The following MCC variants were observed in gnomAD, a reference collection of about 807,000 sequenced individuals.
MCC encodes MCC regulator of Wnt signaling pathway, also known as colorectal mutant cancer protein.
A neutral mutation model predicts 116.2 loss-of-function variants in MCC; 90 were observed. That is an observed-to-expected ratio of 0.77 (90% CI 0.65 to 0.92). MCC has a LOEUF of 0.92. MCC is among the 40% of genes least tolerant of loss of function. MCC has a pLI of 0.00. For synonymous variants in MCC, 578 were observed against 510.5 expected (o/e 1.13, Z -1.78); for missense variants, 1,516 against 1,312.2 (o/e 1.16, Z -2.40).
chr5:113,312,704 C>A (rs1767164934), intron 3 of MCC, among the ~76,000 whole-genome samples: 1 of 152,168 alleles, frequency 6.6e-6, no homozygotes. Flanking sequence ...AAGATGGATA[C>A]AAGTTATTCT....
At chr5:113,382,270 CTTTT>C (rs112153904) in intron 2 of MCC, among the ~76,000 whole-genome samples, 7 of 136,204 alleles carry the variant, frequency 5.1e-5, no homozygotes, top group Non-Finnish European at 6.4e-5. Flanking sequence ...AATTATTGTC[CTTTT>C]TTTTTTTTTT....
Position 113,198,917 on chromosome 5 carries a change from T to C in MCC, c.628-47495A>G, listed in dbSNP as rs375398923. Among the ~76,000 whole-genome samples, 36 of 151,860 alleles carry C rather than the reference T, an allele frequency of 2.4e-4. 4 individuals are homozygous for C. Among genetic ancestry groups the C allele is most frequent in the Admixed American group, 7.2e-4 (11 of 15,258 alleles). ...GGATGTTATATAGAAATGAAATCAA[T>C]AGGCCAGGGGCAGTGGCTCAAGTCT... is the stretch of plus-strand genomic sequence containing the variant. On this transcript the variant is annotated intron_variant, in intron 3 of 18. Coordinates refer to ENST00000408903, the MANE Select transcript of MCC (RefSeq NM_001085377.2).
chr5:113,364,262 C>CAAAAAAAAAAAAAAAAAAAAA lies in MCC; in HGVS notation c.415+20705_415+20706insTTTTTTTTTTTTTTTTTTTTT, dbSNP rs1561538969. Among the ~76,000 whole-genome samples, 6 of 78,606 alleles carry CAAAAAAAAAAAAAAAAAAAAA rather than the reference C, an allele frequency of 7.6e-5. 1 individual carries two copies. The highest frequency in any genetic ancestry group is 2.9e-4 in the East Asian group (1 of 3,508). 51.6% of individuals were successfully genotyped at this position (78,606 alleles called of 152,430 possible). ...AGAAAAAAAAAAAAAAAAAAAAAAC[C>CAAAAAAAAAAAAAAAAAAAAA]AGAAAAAAAAAAAAAAGGAACTCTA... On this transcript the variant is annotated intron_variant, in intron 2 of 18. Coordinates refer to ENST00000408903, the MANE Select transcript of MCC (RefSeq NM_001085377.2).
chr5:113,040,296 G>A (rs1751612464), intron 17 of MCC, among the ~76,000 whole-genome samples: 2 of 151,984 alleles, frequency 1.3e-5, no homozygotes, highest in African/African-American at 4.8e-5. Context: ...GGTTGGGTTG[G>A]GGACAGTGTC....
intron 14 of MCC, among the ~76,000 whole-genome samples, chr5:113,062,044 G>A (rs112067783): frequency 2.0e-5 from 3 of 152,172 alleles, no homozygotes; most frequent in African/African-American, 4.8e-5. Context: ...TGAATGCCTC[G>A]TGTGTGGTTC....
At chr5:113,327,383 C>T (rs1767582107) in intron 3 of MCC, among the ~76,000 whole-genome samples, 1 of 150,836 alleles carries the variant, frequency 6.6e-6, no homozygotes, top group South Asian at 2.1e-4. Flanking sequence ...ACTGTCTCTA[C>T]TAAAAATAAA....
intron 3 of MCC, among the ~76,000 whole-genome samples, chr5:113,187,413 CT>C (rs1761945918): frequency 6.6e-6 from 1 of 152,126 alleles, no homozygotes; most frequent in African/African-American, 2.4e-5. Context: ...CCGGCCTCCT[CT>C]GTTTCCTTTT....
At chr5:113,292,149 T>C (rs1456873910) in intron 3 of MCC, among the ~76,000 whole-genome samples, 1 of 152,058 alleles carries the variant, frequency 6.6e-6, no homozygotes, top group Non-Finnish European at 1.5e-5. Context: ...AGAGAATCGC[T>C]TGAACCCGGG....
chr5:113,370,184 G>A (rs1291799970), intron 2 of MCC, among the ~76,000 whole-genome samples: 2 of 152,144 alleles, frequency 1.3e-5, no homozygotes, highest in African/African-American at 2.4e-5. Flanking sequence ...AATGGATGAC[G>A]TAGCAGAACC....
intron 11 of MCC, among the ~76,000 whole-genome samples, chr5:113,074,339 T>C (rs1354959850): frequency 6.6e-6 from 1 of 152,150 alleles, no homozygotes; most frequent in East Asian, 1.9e-4. Flanking sequence ...GAAGGAAAAC[T>C]AACAAACAGA....
intron 3 of MCC, among the ~76,000 whole-genome samples, chr5:113,169,558 C>G (rs1760963685): frequency 6.6e-6 from 1 of 152,154 alleles, no homozygotes; most frequent in Non-Finnish European, 1.5e-5. Context: ...AAAATGTTCT[C>G]TCATTAAGAC....
At chr5:113,100,433 G>A (rs1411004746) in intron 8 of MCC, among the ~76,000 whole-genome samples, 3 of 149,866 alleles carry the variant, frequency 2.0e-5, no homozygotes, top group Non-Finnish European at 4.4e-5. Context: ...CAATGGTGAA[G>A]GATGATGAGA....
Position 113,028,977 on chromosome 5 carries a change from G to C in MCC, c.2836C>G (p.Gln946Glu), listed in dbSNP as rs749208418. 5.0e-6 allele frequency: 8 copies of C among 1,614,056 alleles called. No homozygotes were observed. Among genetic ancestry groups the C allele is most frequent in the Non-Finnish European group, 6.8e-6 (8 of 1,179,968 alleles). The change falls in exon 18 of 19, where the codon CAG becomes GAG. Residue 946 changes from glutamine (Q) to glutamate (E), a missense_variant. By Grantham distance (29) the Gln-to-Glu change is conservative. Transcript: ENST00000408903. ...TCATTCACGAACTCTGCAGATTGCT[G>C]ATGTCGGATTTCACTGCTCTTGGTG... ...RLTKSSEIRH[Q>E]QSAEFVNDLK... is the part of the protein sequence containing the mutation.
chr5:113,282,327 A>C (rs1766079105), intron 3 of MCC, among the ~76,000 whole-genome samples: 1 of 152,134 alleles, frequency 6.6e-6, no homozygotes, highest in Admixed American at 6.5e-5. Flanking sequence ...CATCTTTGAC[A>C]CTCAGGGAAT....
At chr5:113,458,388 C>T (rs534114232) in intron 1 of MCC, among the ~76,000 whole-genome samples, 8 of 151,552 alleles carry the variant, frequency 5.3e-5, no homozygotes, top group East Asian at 3.9e-4. Context: ...CCTGAGCCAG[C>T]GGGACCACGA....
chr5:113,444,797 A>G (rs1234951714), intron 1 of MCC, among the ~76,000 whole-genome samples: 2 of 152,186 alleles, frequency 1.3e-5, no homozygotes, highest in African/African-American at 2.4e-5. Context: ...AAGGCCTTGC[A>G]TCAGTTTCTG....
intron 1 of MCC, among the ~76,000 whole-genome samples, chr5:113,469,130 C>T (rs1437321285): frequency 6.6e-6 from 1 of 152,122 alleles, no homozygotes; most frequent in Non-Finnish European, 1.5e-5. Context: ...TTTCAAAAAA[C>T]CAGCTCCTGG....
intron 1 of MCC, among the ~76,000 whole-genome samples, chr5:113,415,593 C>T (rs111763004): frequency 0.035 from 5,337 of 152,216 alleles, 139 homozygotes; most frequent in African/African-American, 0.069. Flanking sequence ...TCACGTAGTT[C>T]TCGTGCCATG....
chr5:113,214,060 T>A (rs1462387640), intron 3 of MCC, among the ~76,000 whole-genome samples: 1 of 152,018 alleles, frequency 6.6e-6, no homozygotes, highest in Non-Finnish European at 1.5e-5. Context: ...CTCTCTCATT[T>A]CCCTCCTCCC....
Sources: allele counts gnomAD v4.1 joint callset (sites outside exome capture counted in the v4.1 genomes callset), GRCh38; gene constraint gnomAD v4.1.1; transcripts MANE v1.5; gene names NCBI Gene and HGNC (gene_info 2026-07-23, HGNC 2026-07-21).